The following NAALADL2 variants were observed in gnomAD, a reference collection of about 807,000 sequenced individuals.
The protein encoded by NAALADL2 is N-acetylated alpha-linked acidic dipeptidase like 2.
NAALADL2 carries 76 observed loss-of-function variants against 87.2 expected under a neutral mutation model. The ratio of observed to expected loss-of-function variants is 0.87; its 90% CI spans 0.72 to 1.05. The LOEUF (loss-of-function observed/expected upper bound fraction) is 1.05. NAALADL2 is among the 50% of genes least tolerant of loss of function. The pLI is 0.00. For synonymous variants in NAALADL2, 354 were observed against 331.0 expected (o/e 1.07, Z -0.75); for missense variants, 1,089 against 945.8 (o/e 1.15, Z -1.99).
At chr3:175,186,360 T>G (rs544270724) in intron 2 of NAALADL2, among the ~76,000 whole-genome samples, 2 of 152,218 alleles carry the variant, frequency 1.3e-5, no homozygotes, top group African/African-American at 4.8e-5. Context: ...CTGCAAAACC[T>G]TCATCAGATG....
At chr3:174,717,985 C>G (rs531728617) in intron 2 of NAALADL2, among the ~76,000 whole-genome samples, 1 of 151,940 alleles carries the variant, frequency 6.6e-6, no homozygotes, top group Non-Finnish European at 1.5e-5. Context: ...AAAAACTTGT[C>G]GGGCGTGTTG....
chr3:174,924,040 T>C (rs908112273), intron 1 of NAALADL2, among the ~76,000 whole-genome samples: 3 of 152,178 alleles, frequency 2.0e-5, no homozygotes, highest in Non-Finnish European at 2.9e-5. Context: ...ATCTTACTTG[T>C]TCAGGAATGT....
intron 1 of NAALADL2, among the ~76,000 whole-genome samples, chr3:174,456,222 A>G (rs1473082267): frequency 5.3e-5 from 8 of 152,118 alleles, no homozygotes; most frequent in African/African-American, 1.7e-4. Context: ...GACACAAACA[A>G]TAGAAGAACA....
intron 4 of NAALADL2, among the ~76,000 whole-genome samples, chr3:175,289,623 T>G (rs1755407884): frequency 6.6e-6 from 1 of 152,016 alleles, no homozygotes; most frequent in Non-Finnish European, 1.5e-5. Context: ...AAATAAAATT[T>G]TATAAGAATT....
intron 4 of NAALADL2, among the ~76,000 whole-genome samples, chr3:175,309,915 T>A (rs1398605567): frequency 6.6e-6 from 1 of 152,212 alleles, no homozygotes; most frequent in African/African-American, 2.4e-5. Context: ...ATGCCCAGCA[T>A]GTCTCTCTTA....
intron 1 of NAALADL2, among the ~76,000 whole-genome samples, chr3:175,093,411 T>TA (rs1491384647): frequency 1.9e-4 from 17 of 87,700 alleles, no homozygotes; most frequent in Non-Finnish European, 2.8e-4. Context: ...GTTCATTTTA[T>TA]TTTTTTATAT....
intron 3 of NAALADL2, among the ~76,000 whole-genome samples, chr3:174,797,292 G>GTTTTTGTTTTTTTTTTTTTTTTT (rs1468962061): frequency 9.1e-6 from 1 of 109,644 alleles, no homozygotes. Context: ...TTTTTCTTTT[G>GTTTTTGTTTTTTTTTTTTTTTTT]TTTTTCTTTT....
At position 175,323,493 on chromosome 3, in the gene NAALADL2, AT is replaced by A. The variant is rs555488130; in HGVS notation, c.940-681del. Among the ~76,000 whole-genome samples the A allele has an allele frequency of 2.0e-4, 30 of 152,016 alleles. 1 individual carries two copies. The East Asian group carries it at 5.8e-3, about 29-fold the overall frequency. ...CCCTAAATCTTAAAGTATAATAATA[AT>A]AAAAAAAAGAACCTTATGTATGGTA... On this transcript the variant is annotated intron_variant, in intron 4 of 13. Coordinates refer to ENST00000454872, the MANE Select transcript of NAALADL2 (RefSeq NM_207015.3).
At chr3:175,296,258 C>A (rs1435684082) in intron 4 of NAALADL2, among the ~76,000 whole-genome samples, 3 of 152,054 alleles carry the variant, frequency 2.0e-5, no homozygotes, top group African/African-American at 7.2e-5. Flanking sequence ...GGGAGGGGAT[C>A]CTACATCTTG....
chr3:174,577,366 G>T (rs1715647824), intron 2 of NAALADL2, among the ~76,000 whole-genome samples: 1 of 152,112 alleles, frequency 6.6e-6, no homozygotes, highest in Non-Finnish European at 1.5e-5. Flanking sequence ...TAACCTGCCA[G>T]CAGATGTCAA....
chr3:175,066,226 C>T (rs1356877559), intron 1 of NAALADL2, among the ~76,000 whole-genome samples: 1 of 152,134 alleles, frequency 6.6e-6, no homozygotes, highest in Non-Finnish European at 1.5e-5. Flanking sequence ...TAACCACAAA[C>T]AGAAAATGAC....
At chr3:175,427,379 A>G (rs1716997143) in intron 5 of NAALADL2, among the ~76,000 whole-genome samples, 1 of 152,208 alleles carries the variant, frequency 6.6e-6, no homozygotes. Context: ...AGAACATGAA[A>G]AAAGTTCAAA....
chr3:175,778,886 C>A (rs1258832119), intron 13 of NAALADL2, among the ~76,000 whole-genome samples: 1 of 152,088 alleles, frequency 6.6e-6, no homozygotes, highest in East Asian at 1.9e-4. Context: ...ATTAAATTTA[C>A]CTAAGGCAGA....
chr3:174,919,346 T>C (rs1476799598), intron 1 of NAALADL2, among the ~76,000 whole-genome samples: 2 of 152,216 alleles, frequency 1.3e-5, no homozygotes, highest in Non-Finnish European at 1.5e-5. Context: ...TTCTGAAATC[T>C]TGCTACTGCT....
chr3:175,656,522 C>T (rs1731483775), intron 11 of NAALADL2, among the ~76,000 whole-genome samples: 1 of 152,160 alleles, frequency 6.6e-6, no homozygotes, highest in Non-Finnish European at 1.5e-5. Context: ...TTAGACAAAT[C>T]TTCACCAACC....
intron 1 of NAALADL2, among the ~76,000 whole-genome samples, chr3:174,498,576 C>G (rs2108363641): frequency 6.6e-6 from 1 of 150,434 alleles, no homozygotes; most frequent in East Asian, 1.9e-4. Flanking sequence ...GGCAGGATTG[C>G]ATAATATGTA....
chr3:174,727,253 T>A (rs898344628), intron 2 of NAALADL2, among the ~76,000 whole-genome samples: 1 of 53,524 alleles, frequency 1.9e-5, no homozygotes, highest in African/African-American at 1.0e-4. Context: ...TATGAAGTAA[T>A]GGAAGCCTGA....
chr3:175,221,588 T>C (rs1471622016), intron 2 of NAALADL2, among the ~76,000 whole-genome samples: 1 of 152,122 alleles, frequency 6.6e-6, no homozygotes, highest in Non-Finnish European at 1.5e-5. Context: ...TTTTGGTACC[T>C]TCAAGTTTTG....
chr3:175,749,603 C>T (rs1310821780), intron 12 of NAALADL2, among the ~76,000 whole-genome samples: 1 of 152,128 alleles, frequency 6.6e-6, no homozygotes, highest in East Asian at 1.9e-4. Flanking sequence ...GCATGAAACC[C>T]ACCCATAAAA....
Sources: allele counts gnomAD v4.1 joint callset (sites outside exome capture counted in the v4.1 genomes callset), GRCh38; gene constraint gnomAD v4.1.1; transcripts MANE v1.5; gene names NCBI Gene and HGNC (gene_info 2026-07-23, HGNC 2026-07-21).